Variants in ELMO1 observed in about 807,000 individuals in gnomAD.
ELMO1 encodes engulfment and cell motility 1, also known as engulfment and cell motility protein 1.
ELMO1 carries 26 observed loss-of-function variants against 98.9 expected under a neutral mutation model. The ratio of observed to expected loss-of-function variants is 0.26; its 90% confidence interval spans 0.19 to 0.36. The LOEUF is 0.36. Among genes scored for constraint, ELMO1 ranks in the 10% least tolerant of loss-of-function variants. ELMO1 has a pLI of 1.00. For synonymous variants in ELMO1, 346 were observed against 346.0 expected (o/e 1.00, Z 0.00); for missense variants, 627 against 935.2 (o/e 0.67, Z 4.30).
intron 4 of ELMO1, among the ~76,000 whole-genome samples, chr7:37,285,091 CT>C (rs1242828236): frequency 1.3e-5 from 2 of 152,198 alleles, no homozygotes; most frequent in Admixed American, 6.5e-5. Context: ...GCACAGCCAG[CT>C]GGCCAGCTGC....
intron 15 of ELMO1, among the ~76,000 whole-genome samples, chr7:37,053,510 T>C (rs1796231673): frequency 6.6e-6 from 1 of 152,218 alleles, no homozygotes; most frequent in East Asian, 1.9e-4. Context: ...AGGCTAATCA[T>C]ACCCCATTTC....
At chr7:37,411,814 C>T (rs1804004999) in intron 1 of ELMO1, among the ~76,000 whole-genome samples, 1 of 152,182 alleles carries the variant, frequency 6.6e-6, no homozygotes, top group South Asian at 2.1e-4. Context: ...ACTCTGCCTC[C>T]CACTCCAGCA....
intron 13 of ELMO1, among the ~76,000 whole-genome samples, chr7:37,185,655 GA>G (rs1449140029): frequency 3.9e-5 from 6 of 152,130 alleles, no homozygotes; most frequent in Non-Finnish European, 8.8e-5. Flanking sequence ...CAAGATTTTT[GA>G]TCCAGAAAAT....
intron 16 of ELMO1, among the ~76,000 whole-genome samples, 199 bp downstream of exon 16, chr7:37,013,100 A>G (rs2129172649): frequency 6.6e-6 from 1 of 152,316 alleles, no homozygotes; most frequent in South Asian, 2.1e-4. Flanking sequence ...GTACCCCCAG[A>G]GGGATGAGGT....
chr7:36,989,889 T>A (rs1791758462), intron 16 of ELMO1, among the ~76,000 whole-genome samples: 1 of 152,232 alleles, frequency 6.6e-6, no homozygotes, highest in Admixed American at 6.5e-5. Context: ...ATAAGTTTTT[T>A]AAGGTAATTT....
At chr7:37,320,119 A>G (rs1390326740) in intron 2 of ELMO1, among the ~76,000 whole-genome samples, 1 of 152,022 alleles carries the variant, frequency 6.6e-6, no homozygotes, top group Non-Finnish European at 1.5e-5. Flanking sequence ...AAATAAATAA[A>G]TAAAACAATT....
chr7:37,009,615 T>C (rs186518467), intron 16 of ELMO1, among the ~76,000 whole-genome samples: 30 of 151,966 alleles, frequency 2.0e-4, no homozygotes, highest in Middle Eastern at 3.4e-3. Flanking sequence ...AAATTTTAAA[T>C]TGAGGGGCAC....
intron 15 of ELMO1, among the ~76,000 whole-genome samples, chr7:37,052,508 T>C (rs1796162010): frequency 6.6e-6 from 1 of 152,202 alleles, no homozygotes; most frequent in Non-Finnish European, 1.5e-5. Flanking sequence ...ATATTTGCCT[T>C]CATATCTAAG....
intron 21 of ELMO1, among the ~76,000 whole-genome samples, chr7:36,860,160 T>TGGG (rs1331274041): frequency 6.6e-6 from 1 of 152,196 alleles, no homozygotes; most frequent in Non-Finnish European, 1.5e-5. Context: ...GCTTATGCTA[T>TGGG]GGGGAAGGCT....
At chr7:37,315,833 A>G in intron 3 of ELMO1, 87 bp downstream of exon 3, 1 of 1,221,750 alleles carries the variant, frequency 8.2e-7, no homozygotes, top group East Asian at 2.4e-5. Context: ...ACTTATGAAT[A>G]ATATTTTACT....
intron 1 of ELMO1, among the ~76,000 whole-genome samples, chr7:37,399,107 T>G (rs1002159266): frequency 6.6e-6 from 1 of 152,134 alleles, no homozygotes; most frequent in Non-Finnish European, 1.5e-5. Context: ...GCCACCTGGA[T>G]CCAGAGGTAC....
At chr7:37,445,633 A>G (rs1350568404) in intron 1 of ELMO1, among the ~76,000 whole-genome samples, 1 of 144,928 alleles carries the variant, frequency 6.9e-6, no homozygotes, top group Non-Finnish European at 1.5e-5. Context: ...CTCAAGAGTT[A>G]GCTTCTTTTC....
chr7:37,057,016 T>C (rs1234309544), intron 15 of ELMO1, among the ~76,000 whole-genome samples: 2 of 152,078 alleles, frequency 1.3e-5, no homozygotes, highest in Non-Finnish European at 2.9e-5. Context: ...TACTCAAAAA[T>C]ATCTGTATTA....
intron 7 of ELMO1, among the ~76,000 whole-genome samples, chr7:37,234,873 TG>T (rs1419497186): frequency 6.6e-6 from 1 of 152,216 alleles, no homozygotes; most frequent in African/African-American, 2.4e-5. Context: ...GATTTTCAAA[TG>T]TTTCACCTTG....
intron 1 of ELMO1, among the ~76,000 whole-genome samples, chr7:37,390,926 T>C (rs970237880): frequency 1.3e-5 from 2 of 152,116 alleles, no homozygotes; most frequent in African/African-American, 4.8e-5. Context: ...CTGTTTCCCA[T>C]CCCCAACTGA....
chr7:37,214,608 G>C (rs1352303566), intron 11 of ELMO1, among the ~76,000 whole-genome samples: 1 of 152,156 alleles, frequency 6.6e-6, no homozygotes, highest in Non-Finnish European at 1.5e-5. Flanking sequence ...AGAAGAAAGA[G>C]GACAGGGAGG....
At chr7:37,226,951 T>G (rs1225588321) in intron 8 of ELMO1, among the ~76,000 whole-genome samples, 1 of 152,168 alleles carries the variant, frequency 6.6e-6, no homozygotes, top group Non-Finnish European at 1.5e-5. Context: ...AAAAAGGCAT[T>G]TACTATGAAG....
At chr7:37,296,527 A>T (rs1798035496) in intron 4 of ELMO1, among the ~76,000 whole-genome samples, 2 of 152,246 alleles carry the variant, frequency 1.3e-5, no homozygotes, top group Non-Finnish European at 2.9e-5. Context: ...CCTCGTTGCC[A>T]TACGCTGTGA....
chr7:37,402,858 T>C (rs1457585417), intron 1 of ELMO1, among the ~76,000 whole-genome samples: 1 of 152,210 alleles, frequency 6.6e-6, no homozygotes, highest in Non-Finnish European at 1.5e-5. Context: ...CAAGGGGGAA[T>C]GATGTAACCA....
Sources: allele counts gnomAD v4.1 joint callset (sites outside exome capture counted in the v4.1 genomes callset), GRCh38; gene constraint gnomAD v4.1.1; transcripts MANE v1.5; gene names NCBI Gene and HGNC (gene_info 2026-07-23, HGNC 2026-07-21).